The following PIK3R3 variants were observed in gnomAD, a reference collection of about 807,000 sequenced individuals.
PIK3R3 encodes phosphatidylinositol 3-kinase regulatory subunit gamma.
In PIK3R3, 64 loss-of-function variants were observed where a neutral mutation model predicts 62.9. The observed-to-expected ratio is 1.02, with a 90% CI of 0.83 to 1.25. The LOEUF (loss-of-function observed/expected upper bound fraction) is 1.25, where lower values mean the gene tolerates loss of function less well. Ranked by LOEUF, PIK3R3 falls within the 50% of genes most tolerant of loss-of-function variation. The probability of loss-of-function intolerance (pLI) is 0.00; values close to 1 mark genes in which losing one functional copy is unlikely to be tolerated. For missense variants in PIK3R3, 614 were observed against 561.6 expected (o/e 1.09, Z -0.94); for synonymous variants, 165 against 189.0 (o/e 0.87, Z 1.04).
chr1:46,171,002 G>A, the PIK3R3 span, among the ~76,000 whole-genome samples: 1 of 152,230 alleles, frequency 6.6e-6, no homozygotes, highest in Non-Finnish European at 1.5e-5. Flanking sequence ...TGAACTCCAT[G>A]AATCTAGAAT....
chr1:46,092,521 G>A (rs931738099), intron 1 of PIK3R3, among the ~76,000 whole-genome samples: 4 of 151,996 alleles, frequency 2.6e-5, no homozygotes, highest in African/African-American at 7.3e-5. Flanking sequence ...GTGCCACCAC[G>A]CCCGGCTAAT....
At chr1:46,070,040 A>G (rs1285727150) in intron 3 of PIK3R3, among the ~76,000 whole-genome samples, 2 of 152,260 alleles carry the variant, frequency 1.3e-5, no homozygotes, top group Admixed American at 6.5e-5. Flanking sequence ...AGAAATGCCC[A>G]TAGACAAGTG....
At chr1:46,097,269 T>G (rs1348069792) in intron 1 of PIK3R3, among the ~76,000 whole-genome samples, 1 of 152,074 alleles carries the variant, frequency 6.6e-6, no homozygotes. Flanking sequence ...CCCTACCAGG[T>G]GCAGTAGCTC....
At chr1:46,063,908 A>G (rs1648749650) in intron 5 of PIK3R3, among the ~76,000 whole-genome samples, 1 of 152,254 alleles carries the variant, frequency 6.6e-6, no homozygotes, top group Admixed American at 6.5e-5. Context: ...ATCACAGATA[A>G]GCTTCTTAAA....
chr1:46,088,527 A>C (rs1651306461), intron 1 of PIK3R3, among the ~76,000 whole-genome samples: 1 of 152,132 alleles, frequency 6.6e-6, no homozygotes, highest in Admixed American at 6.5e-5. Context: ...TTATATATTA[A>C]AATTATGCTA....
chr1:46,053,134 C>A (rs567213888), intron 7 of PIK3R3, among the ~76,000 whole-genome samples: 132 of 152,278 alleles, frequency 8.7e-4, no homozygotes, highest in African/African-American at 2.9e-3. Flanking sequence ...CTGGAAGCAG[C>A]CCTTCCAAAA....
At chr1:46,160,702 G>A in the PIK3R3 span, among the ~76,000 whole-genome samples, 1 of 152,224 alleles carries the variant, frequency 6.6e-6, no homozygotes, top group Non-Finnish European at 1.5e-5. Context: ...AGGAGAGAGG[G>A]CGTCTGTCCC....
At chr1:46,131,320 C>T (rs1198831225) in intron 1 of PIK3R3, among the ~76,000 whole-genome samples, 1 of 152,052 alleles carries the variant, frequency 6.6e-6, no homozygotes, top group Non-Finnish European at 1.5e-5. Flanking sequence ...TTTGTTTCTG[C>T]AAGAGAAAAA....
At chr1:46,053,109 C>A (rs1214290423) in intron 7 of PIK3R3, among the ~76,000 whole-genome samples, 2 of 152,174 alleles carry the variant, frequency 1.3e-5, no homozygotes, top group East Asian at 3.8e-4. Flanking sequence ...GACCATGGGA[C>A]ACTGAACTAT....
rs762065227 is a variant in PIK3R3, at chr1:46,046,012, G to A, written c.1093C>T (p.Arg365Ter). Reference protein sequence around the residue: ...EKTWFVEDINRVQAEDLLYGK... With the variant: ...EKTWFVEDIN ...TAAAGCAAGTCCTCTGCTTGTACTC[G>A]ATTGATATCCTCAACAAACCAGGTT... The change falls in exon 9 of 10, where the codon CGA (arginine) becomes TGA (stop). Residue 365 changes from arginine to a stop codon, truncating the protein, a stop_gained. Coordinates refer to ENST00000262741, the MANE Select transcript of PIK3R3 (RefSeq NM_003629.4). LOFTEE classifies it high-confidence loss of function. 8 of 1,611,738 alleles carry A rather than the reference G, an allele frequency of 5.0e-6. No homozygotes were observed. Among genetic ancestry groups the A allele is most frequent in the African/African-American group, 4.0e-5 (3 of 74,802 alleles).
chr1:46,168,878 A>C, the PIK3R3 span, among the ~76,000 whole-genome samples: 1 of 152,110 alleles, frequency 6.6e-6, no homozygotes, highest in East Asian at 1.9e-4. Flanking sequence ...CTCCAGGAAC[A>C]GTGGCATAGC....
the PIK3R3 span, among the ~76,000 whole-genome samples, chr1:46,163,036 TG>T: frequency 5.3e-5 from 8 of 152,350 alleles, no homozygotes; most frequent in African/African-American, 1.9e-4. Context: ...GGAAGTCACC[TG>T]TTCTTACCTA....
chr1:46,172,629 G>A, the PIK3R3 span, among the ~76,000 whole-genome samples: 4 of 152,202 alleles, frequency 2.6e-5, no homozygotes, highest in South Asian at 2.1e-4. Flanking sequence ...GACTGAGGCT[G>A]CAGTGAGCTA....
At chr1:46,105,750 G>A (rs1159441844) in intron 1 of PIK3R3, among the ~76,000 whole-genome samples, 1 of 151,438 alleles carries the variant, frequency 6.6e-6, no homozygotes, top group African/African-American at 2.4e-5. Flanking sequence ...GAACCCCGGG[G>A]CTGGGGTGGA....
the PIK3R3 span, among the ~76,000 whole-genome samples, chr1:46,147,164 A>G: frequency 6.6e-6 from 1 of 152,134 alleles, no homozygotes; most frequent in Admixed American, 6.5e-5. Flanking sequence ...TTTGGAGTGC[A>G]TTGACATGAT....
In PIK3R3 at chr1:46,043,816, A is replaced by C. The variant is rs1181224214; in HGVS notation, c.1243T>G (p.Phe415Val). The change falls in exon 10 of 10, where the codon TTT becomes GTT. Residue 415 changes from phenylalanine (F) to valine (V), a missense_variant. By Grantham distance (50) the Phe-to-Val change is conservative. Coordinates refer to ENST00000262741, the MANE Select transcript of PIK3R3 (RefSeq NM_003629.4). ...VIYSTARGYG[F>V]AEPYNLYSSL... ...CTGTACAGGTTGTAGGGCTCTGCAA[A>C]GCCATAGCCCCGAGCAGTGCTGTAG... is the stretch of plus-strand genomic sequence containing the variant. The C allele has an allele frequency of 1.2e-6, 2 of 1,614,136 alleles. No individual in the cohort carries two copies. The highest frequency in any genetic ancestry group is 4.5e-5 in the East Asian group (2 of 44,878).
chr1:46,072,961 AT>A (rs1300638662), intron 3 of PIK3R3, among the ~76,000 whole-genome samples: 11 of 17,144 alleles, frequency 6.4e-4, no homozygotes, highest in Non-Finnish European at 1.8e-3. Context: ...ATAAATAAAT[AT>A]ATATATATAT....
chr1:46,057,195 CTT>C (rs1270170991), intron 6 of PIK3R3: 2 of 153,056 alleles, frequency 1.3e-5, no homozygotes, highest in Admixed American at 6.5e-5. Context: ...CTCATTCTCT[CTT>C]TGCCTGCTGC....
rs1247345391 is a variant in PIK3R3, at chr1:46,117,322, A to C, written c.106+14525T>G. Among the ~76,000 whole-genome samples, 3 of 151,994 alleles carry C rather than the reference A, an allele frequency of 2.0e-5. No individual in the cohort carries two copies. In the East Asian group the frequency reaches 5.8e-4, roughly 29 times the overall value. On this transcript the variant is annotated intron_variant, in intron 1 of 9. Transcript: ENST00000262741. ...GTGGCACGCACCTATAGTCCTAGCT[A>C]CTCAGGAGGCTGGGGCAGGAGGATC...
Sources: gnomAD v4.1 joint callset for allele counts (sites outside exome capture counted in the v4.1 genomes callset) on GRCh38, gnomAD v4.1.1 for gene constraint, MANE v1.5 for transcripts, NCBI Gene and HGNC (gene_info 2026-07-23, HGNC 2026-07-21) for gene names.